SATL1: variants seen among roughly 807,000 people sequenced by gnomAD.
The protein encoded by SATL1 is spermidine/spermine N(1)-acetyltransferase-like protein 1.
SATL1 carries 47 observed loss-of-function variants against 51.8 expected under a neutral mutation model. That is an observed-to-expected ratio of 0.91 (90% CI 0.72 to 1.16). SATL1 has a LOEUF of 1.16. SATL1 is among the 50% of genes most tolerant of loss of function. SATL1 has a pLI of 0.00. For missense variants in SATL1, 520 were observed against 526.4 expected (o/e 0.99, Z 0.12); for synonymous variants, 176 against 182.4 (o/e 0.97, Z 0.28).
At position 85,101,865 on chromosome X, in the gene SATL1, A is replaced by G. The variant is rs113506158; in HGVS notation, c.1693+1999T>C. On this transcript the variant is annotated intron_variant, in intron 4 of 7. Coordinates refer to ENST00000644105, the MANE Select transcript of SATL1 (RefSeq NM_001367857.2). Reference sequence around the variant, plus strand: ...TTGAAAAGGAAAGAAATTCAGATACAGGCTACAACTTGGATGAAACTTGAA... The same window carrying G: ...TTGAAAAGGAAAGAAATTCAGATACGGGCTACAACTTGGATGAAACTTGAA... Among the ~76,000 whole-genome samples, 509 of 110,482 alleles carry G rather than the reference A, an allele frequency of 4.6e-3. 3 individuals are homozygous for G. The highest frequency in any genetic ancestry group is 0.016 in the African/African-American group (487 of 30,381).
chrX:85,128,347 C>T (rs1443957642), intron 2 of SATL1, among the ~76,000 whole-genome samples: 20 of 111,678 alleles, frequency 1.8e-4, no homozygotes, highest in East Asian at 8.5e-4. Flanking sequence ...TTCTAACTGG[C>T]GTGAGATGGT....
At chrX:85,130,952 C>T (rs965410872) in intron 2 of SATL1, among the ~76,000 whole-genome samples, 5 of 111,662 alleles carry the variant, frequency 4.5e-5, no homozygotes, top group East Asian at 5.6e-4. Flanking sequence ...TGTAGTTGTG[C>T]GGTTTTGATT....
At chrX:85,162,814 T>C (rs1232183977) in intron 2 of SATL1, among the ~76,000 whole-genome samples, 2 of 111,224 alleles carry the variant, frequency 1.8e-5, no homozygotes, top group African/African-American at 6.5e-5. Context: ...GATTTTTAGT[T>C]TTAATTCTTT....
At chrX:85,149,160 C>A (rs939245261) in intron 2 of SATL1, among the ~76,000 whole-genome samples, 6 of 111,342 alleles carry the variant, frequency 5.4e-5, no homozygotes, top group African/African-American at 2.0e-4. Flanking sequence ...GGAGAGGTTG[C>A]AATCCTAGTC....
chrX:85,196,241 C>G (rs1440956247), intron 2 of SATL1, among the ~76,000 whole-genome samples: 1 of 110,990 alleles, frequency 9.0e-6, no homozygotes, highest in Non-Finnish European at 1.9e-5. Flanking sequence ...CAAAAAAGCA[C>G]AAAGCTACAA....
intron 2 of SATL1, among the ~76,000 whole-genome samples, chrX:85,126,369 C>T (rs754439899): frequency 3.6e-5 from 4 of 111,368 alleles, no homozygotes; most frequent in South Asian, 3.8e-4. Flanking sequence ...TTTTTCTAAA[C>T]ATTACAAACA....
At position 85,226,500 on chromosome X, in the gene SATL1, G is replaced by A. The variant is rs187301240; in HGVS notation, c.-434-2174C>T. On this transcript the variant is annotated intron_variant, in intron 1 of 7. Coordinates refer to ENST00000644105, the MANE Select transcript of SATL1 (RefSeq NM_001367857.2). ...TCATGTACTGAACACTCTACTATAT[G>A]CCAGTTATTATTCTAAGGGTTAGGG... 2.3e-3 allele frequency among the ~76,000 whole-genome samples: 256 copies of A among 111,143 alleles called. 2 individuals are homozygous for A. Among genetic ancestry groups the A allele is most frequent in the African/African-American group, 7.9e-3 (243 of 30,602 alleles).
chrX:85,163,473 G>A (rs903366464), intron 2 of SATL1, among the ~76,000 whole-genome samples: 4 of 110,754 alleles, frequency 3.6e-5, no homozygotes, highest in Non-Finnish European at 5.7e-5. Flanking sequence ...CATTATTATC[G>A]TGAAGTTCAA....
chrX:85,114,116 T>G (rs1222297683), intron 2 of SATL1, among the ~76,000 whole-genome samples: 1 of 112,127 alleles, frequency 8.9e-6, no homozygotes, highest in Non-Finnish European at 1.9e-5. Context: ...AAACAGATTT[T>G]TATTGCACTT....
intron 2 of SATL1, among the ~76,000 whole-genome samples, chrX:85,155,004 C>T (rs910355255): frequency 1.1e-4 from 12 of 111,008 alleles, no homozygotes; most frequent in African/African-American, 3.9e-4. Flanking sequence ...GTAATAAAAT[C>T]AGCAATTTGA....
chrX:85,116,473 T>G (rs1433994024), intron 2 of SATL1, among the ~76,000 whole-genome samples: 2 of 111,900 alleles, frequency 1.8e-5, no homozygotes, highest in African/African-American at 3.3e-5. Flanking sequence ...TCTCTGCATG[T>G]GCAGTGGCCT....
chrX:85,112,926 C>T (rs1241417016), intron 2 of SATL1, among the ~76,000 whole-genome samples: 1 of 111,719 alleles, frequency 9.0e-6, no homozygotes, highest in African/African-American at 3.3e-5. Context: ...ACTACTGTAA[C>T]ATTTTCCCCA....
chrX:85,129,796 C>T (rs1569232844), intron 2 of SATL1, among the ~76,000 whole-genome samples: 1 of 111,317 alleles, frequency 9.0e-6, no homozygotes, highest in Admixed American at 9.6e-5. Context: ...GCATAAATAG[C>T]TCTTATTATT....
At chrX:85,146,112 C>T (rs58167687) in intron 2 of SATL1, among the ~76,000 whole-genome samples, 197 of 110,714 alleles carry the variant, frequency 1.8e-3, no homozygotes, top group African/African-American at 6.3e-3. Flanking sequence ...GTTAGCCAGG[C>T]TGATCTCGTT....
At position 85,144,908 on chromosome X, in the gene SATL1, A is replaced by T. The variant is rs190313662; in HGVS notation, c.-312-35628T>A. ...ATAAAAGAGCCAAGTGTGGTGGTGCACAACTATAATCCCAGGTACTTGGGG... is the reference window on the plus strand; with the variant it reads ...ATAAAAGAGCCAAGTGTGGTGGTGCTCAACTATAATCCCAGGTACTTGGGG... On this transcript the variant is annotated intron_variant, in intron 2 of 7. Transcript: ENST00000644105. Among the ~76,000 whole-genome samples the T allele has an allele frequency of 2.9e-3, 320 of 110,907 alleles. 4 individuals carry two copies. Among genetic ancestry groups the T allele is most frequent in the Non-Finnish European group, 3.9e-3 (204 of 52,970 alleles).
intron 2 of SATL1, among the ~76,000 whole-genome samples, chrX:85,173,924 C>A: frequency 1.2e-5 from 1 of 84,105 alleles, no homozygotes. Context: ...CCTCCCCCCT[C>A]CCCCATCCCC....
chrX:85,219,715 ATT>A (rs979024961), intron 2 of SATL1: 3 of 111,403 alleles, frequency 2.7e-5, no homozygotes, highest in African/African-American at 6.5e-5. Flanking sequence ...CTGTAAACTG[ATT>A]GGTGCTGTAG....
At chrX:85,204,264 T>C (rs1382870930) in intron 2 of SATL1, among the ~76,000 whole-genome samples, 2 of 111,836 alleles carry the variant, frequency 1.8e-5, no homozygotes, top group African/African-American at 6.5e-5. Flanking sequence ...TCATTCTCTG[T>C]GCGTCAAGTT....
At chrX:85,172,633 T>A (rs1386419998) in intron 2 of SATL1, among the ~76,000 whole-genome samples, 1 of 111,455 alleles carries the variant, frequency 9.0e-6, no homozygotes, top group East Asian at 2.8e-4. Flanking sequence ...TATAGGCACG[T>A]CTTATGCAAT....
Sources: gnomAD v4.1 joint callset for allele counts (sites outside exome capture counted in the v4.1 genomes callset) on GRCh38, gnomAD v4.1.1 for gene constraint, MANE v1.5 for transcripts, NCBI Gene and HGNC (gene_info 2026-07-23, HGNC 2026-07-21) for gene names.